DDX17: variants seen among roughly 807,000 people sequenced by gnomAD.
DDX17 encodes probable ATP-dependent RNA helicase DDX17.
DDX17 carries 10 observed loss-of-function variants against 80.8 expected under a neutral mutation model. The observed-to-expected ratio is 0.12, with a 90% CI of 0.08 to 0.21. The LOEUF (loss-of-function observed/expected upper bound fraction) is 0.21, where lower values mean the gene tolerates loss of function less well. DDX17 is among the 10% of genes least tolerant of loss of function. The pLI is 1.00. For missense variants in DDX17, 586 were observed against 957.4 expected (o/e 0.61, Z 5.12); for synonymous variants, 339 against 336.2 (o/e 1.01, Z -0.09).
intron 11 of DDX17, chr22:38,488,565 A>G (rs766988396): frequency 2.7e-4 from 266 of 995,892 alleles, no homozygotes; most frequent in Non-Finnish European, 3.0e-4. Context: ...TACCAACAAC[A>G]TAACAAACTT....
At chr22:38,503,245 C>T (rs571158178) in intron 1 of DDX17, among the ~76,000 whole-genome samples, 1 of 152,274 alleles carries the variant, frequency 6.6e-6, no homozygotes, top group East Asian at 1.9e-4. Context: ...AATGAAGCAG[C>T]TAAATAAGGT....
chr22:38,500,566 T>C (rs2089817363), intron 2 of DDX17, among the ~76,000 whole-genome samples: 1 of 151,844 alleles, frequency 6.6e-6, no homozygotes, highest in South Asian at 2.1e-4. Flanking sequence ...CCCAGCACTT[T>C]GAGAGGCTGA....
intron 1 of DDX17, chr22:38,505,527 GAA>G (rs970444175): frequency 1.2e-5 from 2 of 173,812 alleles, no homozygotes; most frequent in Non-Finnish European, 2.4e-5. Flanking sequence ...TTCCTGGGCT[GAA>G]GTGTTCTCTC....
At chr22:38,505,111 G>T (rs966214124) in intron 1 of DDX17, 1 of 152,264 alleles carries the variant, frequency 6.6e-6, no homozygotes, top group Non-Finnish European at 1.5e-5. Context: ...ATTTCTCCAT[G>T]TTGATCAGGC....
At chr22:38,495,488 G>A (rs1048090798) in intron 6 of DDX17, among the ~76,000 whole-genome samples, 6 of 152,136 alleles carry the variant, frequency 3.9e-5, no homozygotes, top group East Asian at 1.9e-4. Flanking sequence ...CTCGTGATCC[G>A]CCCACCTCGG....
rs2089879713 is a variant in DDX17 at position 38,506,058 on chromosome 22, C to T, written c.180G>A (p.Gln60=). 1 of 1,585,282 alleles carries T rather than the reference C, an allele frequency of 6.3e-7. No homozygotes were observed. Among genetic ancestry groups the T allele is most frequent in the Admixed American group, 1.8e-5 (1 of 54,374 alleles). The change falls in exon 1 of 13, where the codon CAG becomes CAA. Residue 60 remains glutamine (Q), a synonymous_variant. Coordinates refer to ENST00000403230, the MANE Select transcript of DDX17 (RefSeq NM_006386.5). ...CACGGATGGCCGGGCTCGGGAGGGC[C>T]TGCGGCTCCGGTCTGGTGACGACCG...
At position 38,483,823 on chromosome 22, in the gene DDX17, C is replaced by T. The variant is rs952074792; in HGVS notation, c.*2112G>A. On this transcript the variant is annotated 3_prime_UTR_variant, in exon 13 of 13. Transcript: ENST00000403230. ...CATGTTCTGAAGCCAACAGCAGAAC[C>T]TGAATTATAAGTGACAGACATGGAG... 1 of 152,284 alleles carries T rather than the reference C, an allele frequency of 6.6e-6. No individual in the cohort carries two copies. Among genetic ancestry groups the T allele is most frequent in the East Asian group, 1.9e-4 (1 of 5,182 alleles). The allele number at this position is 152,284 out of a possible 1,614,324, so 9.4% of individuals were successfully genotyped here.
intron 11 of DDX17, 84 bp from the exon 12 acceptor site, chr22:38,488,199 G>T (rs775430282): frequency 2.5e-6 from 4 of 1,606,252 alleles, no homozygotes; most frequent in Non-Finnish European, 3.4e-6. Flanking sequence ...CAGGTGGGAA[G>T]CACGAATGCA....
At chr22:38,492,909 C>G (rs1335837627) in intron 10 of DDX17, among the ~76,000 whole-genome samples, 1 of 152,110 alleles carries the variant, frequency 6.6e-6, no homozygotes, top group East Asian at 1.9e-4. Flanking sequence ...AAACATTTTT[C>G]TTTAAATATT....
At chr22:38,490,479 AAC>A in intron 11 of DDX17, 1 of 1,281,716 alleles carries the variant, frequency 7.8e-7, no homozygotes, top group Non-Finnish European at 1.0e-6. Flanking sequence ...CTTTTAGTTT[AAC>A]AGTGTGTAGT....
In DDX17 at chr22:38,495,807, T is replaced by C; in HGVS notation, c.869A>G (p.Asp290Gly). 6.3e-7 allele frequency: 1 copy of C among 1,597,928 alleles called. No individual in the cohort carries two copies. The highest frequency in any genetic ancestry group is 8.5e-7 in the Non-Finnish European group (1 of 1,173,228). Residue 290 changes from aspartate (D) to glycine (G), a missense_variant, in exon 6 of 13, where the codon GAC (aspartate) becomes GGC (glycine). Physicochemically the swap from Asp to Gly is moderately conservative, Grantham distance 94. This residue lies in a region of DDX17 where 141 missense variants were observed against 379.3 expected (regional missense o/e 0.37). Transcript: ENST00000403230. The stretch of plus-strand genomic sequence containing the variant: ...CTATATATTATTACCTCTTTCCAAG[T>C]CTCGAATCTGGGGACCTTTAGGAGC...
intron 6 of DDX17, among the ~76,000 whole-genome samples, chr22:38,495,520 C>T (rs1206962800): frequency 1.3e-5 from 2 of 152,194 alleles, no homozygotes; most frequent in African/African-American, 4.8e-5. Context: ...GCTGGGATTA[C>T]AGGCATGAGC....
At chr22:38,505,814 G>C (rs529060156) in intron 1 of DDX17, 137 bp downstream of exon 1, 1 of 1,149,300 alleles carries the variant, frequency 8.7e-7, no homozygotes, top group Non-Finnish European at 1.2e-6. Flanking sequence ...GCACGAAACC[G>C]CTGTCTCGCC....
intron 6 of DDX17, 62 bp from the exon 7 acceptor site, chr22:38,495,108 T>C (rs2089747325): frequency 3.3e-6 from 5 of 1,529,666 alleles, no homozygotes; most frequent in Admixed American, 2.0e-5. Context: ...AGCTGTGTTC[T>C]AGCACTTTGG....
At position 38,498,123 on chromosome 22, in the gene DDX17, T is replaced by G; in HGVS notation, c.700A>C (p.Asn234His). The G allele has an allele frequency of 6.2e-7, 1 of 1,614,130 alleles. No homozygotes were observed. Among genetic ancestry groups the G allele is most frequent in the South Asian group, 1.1e-5 (1 of 91,078 alleles). Residue 234 changes from asparagine to histidine, a missense_variant, in exon 5 of 13, where the codon AAC becomes CAC. Physicochemically the swap from Asn to His is moderately conservative, Grantham distance 68 (BLOSUM62 1). Around this residue, in one of 4 missense-constraint regions of DDX17, gnomAD observed 141 missense variants for 379.3 expected, o/e 0.37. Coordinates refer to ENST00000403230, the MANE Select transcript of DDX17 (RefSeq NM_006386.5). ...CCCCTTTCCAAGTATGGCTGGTGGT[T>G]AATATGAACAATTGCAGGCAGGAGA...
chr22:38,495,998 A>AT (rs1569140291), intron 5 of DDX17, 61 bp from the exon 6 acceptor site: 1 of 1,355,070 alleles, frequency 7.4e-7, no homozygotes, highest in East Asian at 2.5e-5. Flanking sequence ...AAAAAAAAAA[A>AT]AGAAGAAACA....
At position 38,506,100 on chromosome 22, in the gene DDX17, C is replaced by G; in HGVS notation, c.138G>C (p.Ala46=). 6.3e-7 allele frequency: 1 copy of G among 1,578,318 alleles called. No homozygotes were observed. The highest frequency in any genetic ancestry group is 1.1e-5 in the South Asian group (1 of 87,186). Residue 46 remains alanine, a synonymous_variant, in exon 1 of 13, where the codon GCG becomes GCC. Coordinates refer to ENST00000403230, the MANE Select transcript of DDX17 (RefSeq NM_006386.5). ...TGACGACCGATGGCGGCGGCGCCTC[C>G]GCTGTTGGGGCGGCGGCAGGCGCAG...
At chr22:38,497,933 G>A in intron 5 of DDX17, 152 bp downstream of exon 5, 1 of 682,434 alleles carries the variant, frequency 1.5e-6, no homozygotes, top group Non-Finnish European at 2.4e-6. Context: ...TCTTGGGTAA[G>A]TCATTTAATT....
chr22:38,495,070 A>G, intron 6 of DDX17, 24 bp from the exon 7 acceptor site: 1 of 1,604,260 alleles, frequency 6.2e-7, no homozygotes, highest in South Asian at 1.1e-5. Context: ...CCAATGATCG[A>G]GCCAATCGAC....
Sources: allele counts gnomAD v4.1 joint callset (sites outside exome capture counted in the v4.1 genomes callset), GRCh38; gene constraint gnomAD v4.1.1; regional missense constraint gnomAD v4.1.1; transcripts MANE v1.5; gene names NCBI Gene and HGNC (gene_info 2026-07-23, HGNC 2026-07-21).